The following ASIC2 variants were observed in gnomAD, a reference collection of about 807,000 sequenced individuals.
ASIC2 encodes the protein acid sensing ion channel subunit 2, also known as acid-sensing ion channel 2.
ASIC2 carries 25 observed loss-of-function variants against 57.3 expected under a neutral mutation model. The ratio of observed to expected loss-of-function variants is 0.44; its 90% confidence interval spans 0.32 to 0.61. The LOEUF (loss-of-function observed/expected upper bound fraction) is 0.61. Among genes scored for constraint, ASIC2 ranks in the 20% least tolerant of loss-of-function variants. The pLI, the probability that ASIC2 is intolerant of heterozygous loss-of-function variation, is 0.06. For missense variants in ASIC2, 641 were observed against 738.1 expected (o/e 0.87, Z 1.52); for synonymous variants, 319 against 307.5 (o/e 1.04, Z -0.39).
chr17:33,049,793 C>T (rs1347614095), intron 3 of ASIC2, among the ~76,000 whole-genome samples: 1 of 152,186 alleles, frequency 6.6e-6, no homozygotes, highest in Non-Finnish European at 1.5e-5. Context: ...TCTACCGCAG[C>T]ATTTTGCATA....
At chr17:33,419,353 T>C (rs573809196) in intron 1 of ASIC2, among the ~76,000 whole-genome samples, 1 of 152,196 alleles carries the variant, frequency 6.6e-6, no homozygotes, top group Non-Finnish European at 1.5e-5. Context: ...GTACGCCCAT[T>C]GAGGCTCATT....
chr17:33,933,366 C>A (rs142192859), intron 1 of ASIC2, among the ~76,000 whole-genome samples: 17 of 152,218 alleles, frequency 1.1e-4, no homozygotes, highest in Non-Finnish European at 2.1e-4. Flanking sequence ...AGACAGGGAG[C>A]CTCTGTCTCT....
Position 33,576,574 on chromosome 17 carries a change from A to G in ASIC2, c.556-464507T>C, listed in dbSNP as rs576482896. Among the ~76,000 whole-genome samples the G allele has an allele frequency of 2.0e-5, 3 of 152,328 alleles. No homozygotes were observed. The East Asian group carries it at 5.8e-4, about 29-fold the overall frequency. On this transcript the variant is annotated intron_variant, in intron 1 of 9. Transcript: ENST00000359872. Reference sequence around the variant, plus strand: ...CTTCAAGTGACTTACTTAGGCTTACAGCGCCCAATGTCCTCCAATGGAAAG... The same window carrying G: ...CTTCAAGTGACTTACTTAGGCTTACGGCGCCCAATGTCCTCCAATGGAAAG...
intron 1 of ASIC2, among the ~76,000 whole-genome samples, chr17:34,126,344 C>T (rs12051590): frequency 0.022 from 3,287 of 152,256 alleles, 103 homozygotes; most frequent in East Asian, 0.12. Flanking sequence ...AACCAAGCAG[C>T]CAAGCCTCAT....
At chr17:33,276,234 A>C (rs1343746429) in intron 1 of ASIC2, among the ~76,000 whole-genome samples, 3 of 152,072 alleles carry the variant, frequency 2.0e-5, no homozygotes, top group Non-Finnish European at 4.4e-5. Context: ...TAATAAATAA[A>C]TATTGTCAAT....
chr17:34,082,422 G>T (rs1325371512), intron 1 of ASIC2, among the ~76,000 whole-genome samples: 1 of 152,090 alleles, frequency 6.6e-6, no homozygotes, highest in Non-Finnish European at 1.5e-5. Flanking sequence ...TGACATTTTA[G>T]TAAAATAAAA....
Position 33,016,039 on chromosome 17 carries a change from G to C in ASIC2, c.1522C>G (p.Leu508Val). 6.2e-7 allele frequency: 1 copy of C among 1,613,796 alleles called. No homozygotes were observed. The highest frequency in any genetic ancestry group is 1.1e-5 in the South Asian group (1 of 91,068). The change falls in exon 9 of 10, where the codon CTG becomes GTG. Residue 508 changes from leucine (L) to valine (V), a missense_variant and splice_region_variant. This residue lies in a region of ASIC2 where 252 missense variants were observed against 319.8 expected (regional missense o/e 0.79). Coordinates refer to ENST00000225823, the MANE Select transcript of ASIC2 (RefSeq NM_183377.2). Reference protein sequence around the residue: ...ILELFDYIYELIKEKLLDLLG... With the variant: ...ILELFDYIYEVIKEKLLDLLG... ...AGGTCTAATAGCTTCTCTTTGATCA[G>C]CTGCAAGAAAAGCAGGAAGGGGTTG... is the stretch of plus-strand genomic sequence containing the variant.
chr17:33,496,975 C>A (rs1913956177), intron 1 of ASIC2, among the ~76,000 whole-genome samples: 2 of 152,014 alleles, frequency 1.3e-5, no homozygotes, highest in South Asian at 4.1e-4. Context: ...GAGAATGGGA[C>A]CATAGCTGTT....
intron 1 of ASIC2, among the ~76,000 whole-genome samples, chr17:33,651,900 G>A (rs1222411762): frequency 6.6e-6 from 1 of 152,188 alleles, no homozygotes; most frequent in African/African-American, 2.4e-5. Flanking sequence ...TGGACAAACT[G>A]CTCTGGGAAA....
At chr17:33,308,818 CT>C (rs1168795231) in intron 1 of ASIC2, among the ~76,000 whole-genome samples, 3 of 151,584 alleles carry the variant, frequency 2.0e-5, no homozygotes, top group Non-Finnish European at 2.9e-5. Flanking sequence ...GGTAAAGTGC[CT>C]TTTTTTGTGA....
At chr17:33,232,380 G>A (rs550418499) in intron 1 of ASIC2, among the ~76,000 whole-genome samples, 1 of 152,102 alleles carries the variant, frequency 6.6e-6, no homozygotes, top group East Asian at 1.9e-4. Flanking sequence ...TCCAGTCTAT[G>A]GTATGGCAGC....
intron 1 of ASIC2, among the ~76,000 whole-genome samples, chr17:33,672,736 C>A (rs1173768671): frequency 6.6e-6 from 1 of 152,172 alleles, no homozygotes; most frequent in Admixed American, 6.5e-5. Flanking sequence ...TATTCAAGTT[C>A]TCCTTATAGG....
At chr17:33,625,597 AG>A (rs1393153266) in intron 1 of ASIC2, among the ~76,000 whole-genome samples, 26 of 152,246 alleles carry the variant, frequency 1.7e-4, no homozygotes, top group Non-Finnish European at 2.2e-4. Context: ...CTAATACAGA[AG>A]AGAGATTAAA....
rs1555541095 is a variant in ASIC2 at position 33,528,167 on chromosome 17, G to GGTGTTTGTGTGTGTGTGTGTGT, written c.556-416101_556-416100insACACACACACACACACAAACAC. Among the ~76,000 whole-genome samples the GGTGTTTGTGTGTGTGTGTGTGT allele has an allele frequency of 4.2e-5, 6 of 143,508 alleles. No homozygotes were observed. In the East Asian group the frequency reaches 1.3e-3, roughly 31 times the overall value. The allele number at this position is 143,508 out of a possible 152,430, so 94.1% of individuals were successfully genotyped here. A position where few individuals can be genotyped will look rare whatever the true frequency, so the allele number is the denominator to read the frequency against. ...GCCTGGCTGACCCGTGTATGTGGTA[G>GGTGTTTGTGTGTGTGTGTGTGT]GTGTGTGTGTGTGTGTGTGGTTTCC... On this transcript the variant is annotated intron_variant, in intron 1 of 9. Coordinates refer to the ASIC2 transcript ENST00000359872.
chr17:33,580,857 G>A (rs1213991600), intron 1 of ASIC2, among the ~76,000 whole-genome samples: 1 of 152,190 alleles, frequency 6.6e-6, no homozygotes, highest in African/African-American at 2.4e-5. Context: ...CACTACAAGT[G>A]TAATAGTGTC....
In ASIC2 at chr17:33,743,211, G is replaced by A. The variant is rs147680403; in HGVS notation, c.555+412767C>T. On this transcript the variant is annotated intron_variant, in intron 1 of 9. Coordinates refer to the ASIC2 transcript ENST00000359872. ...AAATCCAAATTATTTAAAGTCTCTG[G>A]AAATTGTTCTAAAGGCATACAGCAA... 1.6e-4 allele frequency among the ~76,000 whole-genome samples: 25 copies of A among 152,342 alleles called. No individual in the cohort carries two copies. In the South Asian group the frequency reaches 2.5e-3, roughly 15 times the overall value.
chr17:33,640,978 A>T (rs1029839843), intron 1 of ASIC2, among the ~76,000 whole-genome samples: 3 of 152,174 alleles, frequency 2.0e-5, no homozygotes, highest in African/African-American at 7.2e-5. Flanking sequence ...CTCTGTCCCT[A>T]GTAAAGGAAT....
chr17:33,874,232 A>G (rs1914496510), intron 1 of ASIC2, among the ~76,000 whole-genome samples: 1 of 152,128 alleles, frequency 6.6e-6, no homozygotes, highest in African/African-American at 2.4e-5. Flanking sequence ...TAGAATGTCT[A>G]TTTTACCCTT....
intron 1 of ASIC2, among the ~76,000 whole-genome samples, chr17:34,100,172 CCTCT>C (rs1016328446): frequency 1.6e-4 from 21 of 128,570 alleles, no homozygotes; most frequent in African/African-American, 6.1e-4. Context: ...TAACATTCTT[CCTCT>C]CTTTCTTGTT....
Sources: allele counts gnomAD v4.1 joint callset (sites outside exome capture counted in the v4.1 genomes callset), GRCh38; gene constraint gnomAD v4.1.1; regional missense constraint gnomAD v4.1.1; transcripts MANE v1.5; gene names NCBI Gene and HGNC (gene_info 2026-07-23, HGNC 2026-07-21).